COL6A3: variants seen among roughly 807,000 people sequenced by gnomAD.
The protein encoded by COL6A3 is collagen type VI alpha 3 chain, also known as collagen alpha-3(VI) chain.
A neutral mutation model predicts 274.1 loss-of-function variants in COL6A3; 137 were observed. That is an observed-to-expected ratio of 0.50 (90% confidence interval 0.44 to 0.58). The LOEUF (loss-of-function observed/expected upper bound fraction) is 0.58, where lower values mean the gene tolerates loss of function less well. Among genes scored for constraint, COL6A3 ranks in the 20% least tolerant of loss-of-function variants. The pLI, the probability that COL6A3 is intolerant of heterozygous loss-of-function variation, is 0.00. For missense variants in COL6A3, 3,950 were observed against 4,124.9 expected, an observed-to-expected ratio of 0.96 and a Z score of 1.16; for synonymous variants, 1,650 against 1,650.6, an observed-to-expected ratio of 1.00 and a Z score of 0.01.
Position 237,413,690 on chromosome 2 carries a change from G to A in COL6A3, c.-31+263C>T, listed in dbSNP as rs563117421. ...CACTGCCGCCCGGAATGCACAGGGC[G>A]CGTGTAGCAGCCACAGACACGCGGT... On this transcript the variant is annotated intron_variant, in intron 1 of 43. Transcript: ENST00000295550. The surrounding 1 kb of genome is among the most constrained non-coding windows in gnomAD (Gnocchi z 4.0). 1.6e-4 allele frequency among the ~76,000 whole-genome samples: 25 copies of A among 152,312 alleles called. No individual in the cohort carries two copies. Among genetic ancestry groups the A allele is most frequent in the African/African-American group, 4.8e-4 (20 of 41,568 alleles).
In COL6A3 at chr2:237,377,327, G is replaced by T. The variant is rs1244883447; in HGVS notation, c.2515C>A (p.Leu839Met). 6.2e-7 allele frequency: 1 copy of T among 1,600,272 alleles called. No homozygotes were observed. Among genetic ancestry groups the T allele is most frequent in the Non-Finnish European group, 8.5e-7 (1 of 1,179,966 alleles). ...TTGGCTGAGCCGTCAAAGAGGAACA[G>T]AATGTCTCGCTTGCTCTCTGCAATG... is the stretch of plus-strand genomic sequence containing the variant. ...LAQPESKRDI[L>M]FLFDGSANLV... The change falls in exon 7 of 44, where the codon CTG (leucine) becomes ATG (methionine). Residue 839 changes from leucine to methionine, a missense_variant. Physicochemically the swap from Leu to Met is conservative, Grantham distance 15. Around this residue, in one of 5 missense-constraint regions of COL6A3, gnomAD observed 1,934 missense variants for 1,984.3 expected, o/e 0.97. Coordinates refer to ENST00000295550, the MANE Select transcript of COL6A3 (RefSeq NM_004369.4).
In COL6A3 at chr2:237,340,768, G is replaced by T. The variant is rs756813710; in HGVS notation, c.8148C>A (p.Gly2716=). 11 of 1,614,160 alleles carry T rather than the reference G, an allele frequency of 6.8e-6. No homozygotes were observed. Among genetic ancestry groups the T allele is most frequent in the Non-Finnish European group, 7.6e-6 (9 of 1,180,042 alleles). Residue 2716 remains glycine, a synonymous_variant, in exon 38 of 44, where the codon GGC becomes GGA. Coordinates refer to ENST00000295550, the MANE Select transcript of COL6A3 (RefSeq NM_004369.4). The stretch of plus-strand genomic sequence containing the variant: ...TCTCTATGGTGTATTCAATGGCACT[G>T]CCTAAGGCCCTGGTTCCCTGCAACT... ...MTQLQGTRAL[G]SAIEYTIENV...
At chr2:237,400,797 C>A (rs924524050) in intron 1 of COL6A3, among the ~76,000 whole-genome samples, 3 of 152,088 alleles carry the variant, frequency 2.0e-5, no homozygotes, top group African/African-American at 7.2e-5. Context: ...AAATACAGAC[C>A]AATATCCCTG....
intron 4 of COL6A3, among the ~76,000 whole-genome samples, chr2:237,381,869 A>AACCAC (rs1180335523): frequency 6.6e-6 from 1 of 152,172 alleles, no homozygotes; most frequent in Non-Finnish European, 1.5e-5. Context: ...TAATTAAAGA[A>AACCAC]ACCACTGATG....
chr2:237,325,145 G>A (rs1699873423), intron 43 of COL6A3, among the ~76,000 whole-genome samples: 1 of 152,118 alleles, frequency 6.6e-6, no homozygotes, highest in Non-Finnish European at 1.5e-5. Flanking sequence ...ATTACCAGTT[G>A]AACTGCACAA....
intron 1 of COL6A3, among the ~76,000 whole-genome samples, chr2:237,410,781 A>G (rs1198835503): frequency 6.6e-6 from 1 of 152,234 alleles, no homozygotes; most frequent in Non-Finnish European, 1.5e-5. Context: ...GGCAAGCAAC[A>G]TGTTTTATTT....
Position 237,366,737 on chromosome 2 carries a change from T to C in COL6A3, c.5450A>G (p.His1817Arg), listed in dbSNP as rs1375661246. 1.7e-5 allele frequency: 27 copies of C among 1,614,284 alleles called. No homozygotes were observed. Among genetic ancestry groups the C allele is most frequent in the Admixed American group, 6.7e-5 (4 of 60,034 alleles). ...GCAAAGGGTTTCATGCATCGCATCA[T>C]GCAAAGTTTCCAAAACTTGCTCGCT... ...ELSEQVLETL[H>R]DAMHETLCPG... The change falls in exon 11 of 44, where the codon CAT becomes CGT. Residue 1817 changes from histidine (H) to arginine (R), a missense_variant. His to Arg is a conservative substitution (Grantham distance 29, BLOSUM62 0). This residue lies in a region of COL6A3 where 632 missense variants were observed against 623.4 expected (regional missense o/e 1.01). Transcript: ENST00000295550.
chr2:237,400,112 C>T (rs1432068517), intron 1 of COL6A3, among the ~76,000 whole-genome samples: 1 of 152,150 alleles, frequency 6.6e-6, no homozygotes, highest in African/African-American at 2.4e-5. Context: ...AACTGAAATA[C>T]ATATAATCTA....
At position 237,338,997 on chromosome 2, in the gene COL6A3, A is replaced by G. The variant is rs776484924; in HGVS notation, c.8567+18T>C. On this transcript the variant is annotated intron_variant, in intron 39 of 43. Coordinates refer to ENST00000295550, the MANE Select transcript of COL6A3 (RefSeq NM_004369.4). ...CTGCAGCGCTACAATTTTTAAGACA[A>G]TAATTATAATCACTTACACTTGTTT... is the stretch of plus-strand genomic sequence containing the variant. The G allele has an allele frequency of 1.9e-6, 3 of 1,605,288 alleles. No homozygotes were observed. The highest frequency in any genetic ancestry group is 2.6e-6 in the Non-Finnish European group (3 of 1,171,970).
chr2:237,381,054 A>G lies in COL6A3; in HGVS notation c.1758T>C (p.Gly586=). ...SIMAFAIGNK[G]ADQAELEEIA... The stretch of plus-strand genomic sequence containing the variant: ...TCTCTTCCAGCTCAGCCTGATCGGC[A>G]CCCTTGTTCCCAATGGCAAAGGCCA... The change falls in exon 5 of 44, where the codon GGT becomes GGC. Residue 586 remains glycine (G), a synonymous_variant. Transcript: ENST00000295550. The G allele has an allele frequency of 6.2e-7, 1 of 1,614,116 alleles. No individual in the cohort carries two copies. Among genetic ancestry groups the G allele is most frequent in the Non-Finnish European group, 8.5e-7 (1 of 1,180,010 alleles).
chr2:237,369,302 T>C (rs2077629867), intron 9 of COL6A3, 125 bp from the exon 10 acceptor site: 2 of 1,325,980 alleles, frequency 1.5e-6, no homozygotes, highest in African/African-American at 1.5e-5. Flanking sequence ...CCTGTGTTGT[T>C]TGTATCTCGG....
chr2:237,363,308 T>C lies in COL6A3; in HGVS notation c.6008A>G (p.Asp2003Gly), dbSNP rs776147170. ...CAGCAAGTTAAGCCTCAGGGGCCTG[T>C]CATACATAAACCCTCGCCCAAACTC... The part of the protein sequence containing the change: ...HLEFGRGFMY[D>G]RPLRLNLLDL... Residue 2003 changes from aspartate to glycine, a missense_variant, in exon 14 of 44, where the codon GAC (aspartate) becomes GGC (glycine). By Grantham distance (94) the Asp-to-Gly change is moderately conservative. Around this residue, in one of 5 missense-constraint regions of COL6A3, gnomAD observed 632 missense variants for 623.4 expected, o/e 1.01. Transcript: ENST00000295550. 6.2e-7 allele frequency: 1 copy of C among 1,614,112 alleles called. No homozygotes were observed. Among genetic ancestry groups the C allele is most frequent in the Non-Finnish European group, 8.5e-7 (1 of 1,180,036 alleles).
chr2:237,370,055 T>A (rs1168354746), intron 9 of COL6A3, among the ~76,000 whole-genome samples: 1 of 151,698 alleles, frequency 6.6e-6, no homozygotes, highest in Non-Finnish European at 1.5e-5. Context: ...TGGATGAGGG[T>A]CTCACTGTGT....
chr2:237,399,902 T>A (rs192282259), intron 1 of COL6A3, among the ~76,000 whole-genome samples: 37 of 152,272 alleles, frequency 2.4e-4, no homozygotes, highest in African/African-American at 7.9e-4. Flanking sequence ...AGTGAGAGAA[T>A]TAGAATGGGT....
In COL6A3 at chr2:237,350,165, C is replaced by G; in HGVS notation, c.6861G>C (p.Arg2287=). Residue 2287 remains arginine, a synonymous_variant, in exon 28 of 44, where the codon CGG becomes CGC. Coordinates refer to ENST00000295550, the MANE Select transcript of COL6A3 (RefSeq NM_004369.4). ...ACCTTACCGTCTCCCCACGAGGGCC[C>G]CGGTTCCCGATTCCTCCTTTTGGTC... ...EPGPKGGIGN[R]GPRGETGDDG... is the part of the protein sequence containing the mutation. The G allele has an allele frequency of 6.2e-7, 1 of 1,614,152 alleles. No homozygotes were observed. The highest frequency in any genetic ancestry group is 8.5e-7 in the Non-Finnish European group (1 of 1,180,006).
intron 1 of COL6A3, among the ~76,000 whole-genome samples, chr2:237,410,394 C>A (rs928425304): frequency 6.6e-6 from 1 of 151,798 alleles, no homozygotes; most frequent in African/African-American, 2.4e-5. Context: ...CAGCCTCAAC[C>A]TCCCAGGCTC....
At position 237,339,696 on chromosome 2, in the gene COL6A3, T is replaced by C. The variant is rs539761811; in HGVS notation, c.8465-579A>G. Among the ~76,000 whole-genome samples the C allele has an allele frequency of 8.5e-5, 13 of 152,282 alleles. No individual in the cohort carries two copies. In the South Asian group the frequency reaches 2.7e-3, roughly 32 times the overall value. ...TTTATTTATACTTTATAAATCCCCC[T>C]CATCTGTTCCAAGCCTTGCCTGTAC... On this transcript the variant is annotated intron_variant, in intron 38 of 43. Coordinates refer to ENST00000295550, the MANE Select transcript of COL6A3 (RefSeq NM_004369.4).
In COL6A3 at chr2:237,366,812, T is replaced by C. The variant is rs1398871821; in HGVS notation, c.5375A>G (p.Asn1792Ser). ...DSEEVGKIAS[N>S]SATAFRVGNV... ...GCCCACGCGGAACGCTGTGGCGCTG[T>C]TGGACGCTATCTTTCCAACCTCCTC... The change falls in exon 11 of 44, where the codon AAC becomes AGC. Residue 1792 changes from asparagine (N) to serine (S), a missense_variant. Coordinates refer to ENST00000295550, the MANE Select transcript of COL6A3 (RefSeq NM_004369.4). 1 of 1,614,266 alleles carries C rather than the reference T, an allele frequency of 6.2e-7. No homozygotes were observed. The highest frequency in any genetic ancestry group is 8.5e-7 in the Non-Finnish European group (1 of 1,180,052).
chr2:237,344,054 C>T lies in COL6A3; in HGVS notation c.7668+296G>A. On this transcript the variant is annotated intron_variant, in intron 36 of 43. Transcript: ENST00000295550. The surrounding 1 kb of genome is among the most constrained non-coding windows in gnomAD (Gnocchi z 4.8). ...CATGAATAAAGCAAACAAGTCACAC[C>T]ACCTTGTTAGTAGATAGAGAGTGTC... The T allele has an allele frequency of 2.1e-6, 1 of 480,350 alleles. No homozygotes were observed. The highest frequency in any genetic ancestry group is 2.1e-5 in the South Asian group (1 of 48,732). 29.8% of individuals were successfully genotyped at this position (480,350 alleles called of 1,614,324 possible).
Sources: gnomAD v4.1 joint callset for allele counts (sites outside exome capture counted in the v4.1 genomes callset) on GRCh38, gnomAD v4.1.1 for gene constraint, gnomAD v4.1.1 regional missense constraint, Gnocchi (gnomAD v3.1) non-coding constraint, MANE v1.5 for transcripts, NCBI Gene and HGNC (gene_info 2026-07-23, HGNC 2026-07-21) for gene names.